Variants in INTS15 observed in about 807,000 individuals in gnomAD.
INTS15 encodes the protein integrator complex subunit 15.
chr7:6,601,957 A>T, the INTS15 span: 1 of 742,080 alleles, frequency 1.3e-6, no homozygotes. Context: ...GCGCCCGGCT[A>T]GAACTCAGTT....
the INTS15 span, among the ~76,000 whole-genome samples, chr7:6,605,155 A>G: frequency 1.3e-5 from 2 of 151,662 alleles, no homozygotes; most frequent in African/African-American, 2.4e-5. Flanking sequence ...ACCACGCCTA[A>G]TTTTTGTATT....
At chr7:6,602,184 A>T in the INTS15 span, 1 of 1,572,550 alleles carries the variant, frequency 6.4e-7, no homozygotes, top group Non-Finnish European at 8.7e-7. Context: ...TTGCTGGAGC[A>T]GGGTGGAGGG....
At chr7:6,592,637 T>C in the INTS15 span, among the ~76,000 whole-genome samples, 1 of 151,554 alleles carries the variant, frequency 6.6e-6, no homozygotes, top group Non-Finnish European at 1.5e-5. Context: ...CTGACAGGGT[T>C]TCAGTCTGTC....
the INTS15 span, chr7:6,594,503 G>A: frequency 6.2e-6 from 10 of 1,614,094 alleles, no homozygotes; most frequent in South Asian, 4.4e-5. Context: ...GTTTGGTGCC[G>A]GGATCCATTC....
the INTS15 span, among the ~76,000 whole-genome samples, chr7:6,605,794 G>T: frequency 2.0e-5 from 3 of 152,040 alleles, no homozygotes; most frequent in Admixed American, 6.6e-5. Context: ...TGCCTCCCGG[G>T]TTCAAGCGAT....
At chr7:6,592,164 C>G in the INTS15 span, among the ~76,000 whole-genome samples, 116 of 151,132 alleles carry the variant, frequency 7.7e-4, no homozygotes, top group African/African-American at 2.2e-3. Flanking sequence ...GAGCAAGACT[C>G]CGTCTCAAAA....
At chr7:6,594,583 T>G in the INTS15 span, 1 of 1,614,112 alleles carries the variant, frequency 6.2e-7, no homozygotes, top group Admixed American at 1.7e-5. Context: ...GTTACCGCGC[T>G]CTATGACCTG....
the INTS15 span, among the ~76,000 whole-genome samples, chr7:6,603,318 C>T: frequency 1.7e-3 from 253 of 152,094 alleles, 3 homozygotes; most frequent in East Asian, 0.033. Context: ...GAGAACGAGG[C>T]AGGTGGATCA....
chr7:6,597,194 G>A, the INTS15 span, among the ~76,000 whole-genome samples: 2 of 152,170 alleles, frequency 1.3e-5, no homozygotes, highest in Non-Finnish European at 2.9e-5. Flanking sequence ...CTCCTCCAAA[G>A]GCTTCCTAAT....
chr7:6,602,082 T>C, the INTS15 span: 10 of 1,611,382 alleles, frequency 6.2e-6, no homozygotes, highest in East Asian at 2.2e-5. Context: ...TCATTAATCT[T>C]GTATCTCCTT....
the INTS15 span, chr7:6,607,573 C>G: frequency 3.0e-6 from 4 of 1,345,838 alleles, no homozygotes; most frequent in South Asian, 4.9e-5. This position sits in a 1 kb window ranked among gnomAD's most constrained non-coding sequence, Gnocchi z 6.0. Context: ...AGGCCAGCTT[C>G]CTGGGGCTTC....
At chr7:6,607,617 G>A in the INTS15 span, 3 of 1,424,288 alleles carry the variant, frequency 2.1e-6, no homozygotes, top group South Asian at 2.4e-5. The surrounding 1 kb of genome is among the most constrained non-coding windows in gnomAD (Gnocchi z 6.0). Flanking sequence ...GGTCATTCTC[G>A]GCTCTGAGGA....
the INTS15 span, chr7:6,600,453 T>G: frequency 7.8e-7 from 1 of 1,275,046 alleles, no homozygotes; most frequent in Admixed American, 2.7e-5. Flanking sequence ...TTTGCTTCAT[T>G]TAGGACTTCT....
chr7:6,602,750 C>T, the INTS15 span: 1 of 471,154 alleles, frequency 2.1e-6, no homozygotes, highest in South Asian at 1.5e-5. Context: ...ACGCAGTCAT[C>T]AGGTGAAAAG....
the INTS15 span, among the ~76,000 whole-genome samples, chr7:6,600,519 C>T: frequency 0.011 from 1,724 of 152,188 alleles, 20 homozygotes; most frequent in African/African-American, 0.028. Context: ...CCCTGCATTC[C>T]ACCCTCCCTG....
At chr7:6,608,429 C>A in the INTS15 span, 4 of 1,347,700 alleles carry the variant, frequency 3.0e-6, no homozygotes, top group South Asian at 6.3e-5. Context: ...AGCCTCTGTT[C>A]TCTGCGCATT....
the INTS15 span, chr7:6,600,471 C>T: frequency 9.9e-6 from 11 of 1,111,120 alleles, no homozygotes; most frequent in African/African-American, 1.6e-4. Context: ...TCTTTTCCTC[C>T]TAGTGAACAC....
chr7:6,590,449 C>T, the INTS15 span: 2 of 1,597,030 alleles, frequency 1.3e-6, no homozygotes, highest in Non-Finnish European at 1.7e-6. Context: ...GTTCCAGGTG[C>T]CCAAGGAGCG....
At chr7:6,607,996 G>A in the INTS15 span, 7 of 1,600,184 alleles carry the variant, frequency 4.4e-6, no homozygotes, top group Non-Finnish European at 5.9e-6. The surrounding 1 kb of genome is among the most constrained non-coding windows in gnomAD (Gnocchi z 6.0). Context: ...CCGTGCAGCA[G>A]TCGCCTCACG....
Sources: gnomAD v4.1 joint callset for allele counts (sites outside exome capture counted in the v4.1 genomes callset) on GRCh38, gnomAD v4.1.1 for gene constraint, Gnocchi (gnomAD v3.1) non-coding constraint, MANE v1.5 for transcripts, NCBI Gene and HGNC (gene_info 2026-07-23, HGNC 2026-07-21) for gene names.